SOX5: variants seen among roughly 807,000 people sequenced by gnomAD.
The protein encoded by SOX5 is transcription factor SOX-5.
In SOX5, 9 loss-of-function variants were observed where a neutral mutation model predicts 92.0. The ratio of observed to expected loss-of-function variants is 0.10; its 90% CI spans 0.06 to 0.17. SOX5 has a LOEUF of 0.17. Ranked by LOEUF, SOX5 falls within the 10% of genes least tolerant of loss-of-function variation. The pLI is 1.00. For missense variants in SOX5, 642 were observed against 944.5 expected, an observed-to-expected ratio of 0.68 and a Z score of 4.20; for synonymous variants, 344 against 336.3, an observed-to-expected ratio of 1.02 and a Z score of -0.25.
At chr12:23,951,161 G>A (rs539140271), upstream of SOX5, 7 of 416,284 alleles carry the variant, frequency 1.7e-5, no homozygotes, top group African/African-American at 1.4e-4. Context: ...AGAATTCCAC[G>A]AGGAAATTCC....
chr12:24,221,064 G>C (rs1355887168), intron 3 of SOX5, among the ~76,000 whole-genome samples: 1 of 152,172 alleles, frequency 6.6e-6, no homozygotes, highest in African/African-American at 2.4e-5. Context: ...TGACAGAGCT[G>C]AGATTTTAAC....
rs571221302 is a variant in SOX5, at chr12:23,718,270, C to T, written c.810+16414G>A. ...TGGTGTAATTATTCTGGTATACACA[C>T]ATTGCTTGTGCTTTCTAAAATATTC... On this transcript the variant is annotated intron_variant, in intron 6 of 14. Transcript: ENST00000451604. Among the ~76,000 whole-genome samples, 26 of 152,286 alleles carry T rather than the reference C, an allele frequency of 1.7e-4. No individual in the cohort carries two copies. In the South Asian group the frequency reaches 5.4e-3, roughly 32 times the overall value.
chr12:24,442,275 C>A (rs1940742309), intron 1 of SOX5, among the ~76,000 whole-genome samples: 1 of 152,144 alleles, frequency 6.6e-6, no homozygotes, highest in South Asian at 2.1e-4. Context: ...ATTATGTCCT[C>A]TTATCTTATT....
At chr12:23,867,118 T>C (rs1754610581) in intron 2 of SOX5, among the ~76,000 whole-genome samples, 1 of 150,674 alleles carries the variant, frequency 6.6e-6, no homozygotes, top group Non-Finnish European at 1.5e-5. Flanking sequence ...TCAATAAATA[T>C]GTGTGGAATT....
At chr12:23,988,871 T>A (rs1950295266) in intron 4 of SOX5, among the ~76,000 whole-genome samples, 1 of 152,152 alleles carries the variant, frequency 6.6e-6, no homozygotes, top group African/African-American at 2.4e-5. Context: ...ATACAGAGTC[T>A]CTTTTCCACC....
chr12:23,570,642 G>A (rs944564029), intron 10 of SOX5, among the ~76,000 whole-genome samples: 4 of 151,626 alleles, frequency 2.6e-5, no homozygotes, highest in Admixed American at 6.6e-5. Flanking sequence ...CGGGTGTGGT[G>A]GCTCACACCT....
intron 11 of SOX5, among the ~76,000 whole-genome samples, chr12:23,547,789 A>G (rs1358202901): frequency 2.0e-5 from 3 of 152,160 alleles, no homozygotes; most frequent in Non-Finnish European, 4.4e-5. Flanking sequence ...AGAATTAAAT[A>G]GTATTAAAGT....
rs1260183448 is a variant in SOX5 at position 23,531,652 on chromosome 12, G to C, written c.*2567C>G. 1 of 151,946 alleles carries C rather than the reference G, an allele frequency of 6.6e-6. No homozygotes were observed. Among genetic ancestry groups the C allele is most frequent in the Non-Finnish European group, 1.5e-5 (1 of 68,002 alleles). The allele number at this position is 151,946 out of a possible 1,614,324, so 9.4% of individuals were successfully genotyped here. On this transcript the variant is annotated 3_prime_UTR_variant, in exon 15 of 15. Coordinates refer to ENST00000451604, the MANE Select transcript of SOX5 (RefSeq NM_006940.6). ...ACATAAAAATGATATAAAAACAAGT[G>C]TCTATTTTTTCCTTATCCAGAGTGC...
At position 24,165,573 on chromosome 12, in the gene SOX5, G is replaced by GT. The variant is rs1466426181; in HGVS notation, c.-2+47769dup. ...ATGTATGTGACACTTCTATTGCATA[G>GT]TTTTTGATTTGTGAAGGAGTACAAG... On this transcript the variant is annotated intron_variant, in intron 4 of 4. Transcript: ENST00000446891. Among the ~76,000 whole-genome samples, 3 of 152,206 alleles carry GT rather than the reference G, an allele frequency of 2.0e-5. No individual in the cohort carries two copies. The East Asian group carries it at 5.8e-4, about 29-fold the overall frequency.
At chr12:24,303,327 G>A (rs1489992642) in intron 2 of SOX5, among the ~76,000 whole-genome samples, 1 of 152,086 alleles carries the variant, frequency 6.6e-6, no homozygotes, top group Non-Finnish European at 1.5e-5. Flanking sequence ...ATCATACAGA[G>A]TATAGGGGAC....
chr12:23,973,818 T>C (rs950803298), intron 4 of SOX5, among the ~76,000 whole-genome samples: 5 of 152,166 alleles, frequency 3.3e-5, no homozygotes, highest in South Asian at 2.1e-4. Flanking sequence ...TAGATTCTCA[T>C]AGGAGTGGAA....
chr12:23,594,202 A>G (rs967237241), intron 9 of SOX5, among the ~76,000 whole-genome samples: 3 of 150,362 alleles, frequency 2.0e-5, no homozygotes, highest in Non-Finnish European at 4.4e-5. Context: ...TGAATCTGGA[A>G]AAAAAAAAAC....
rs1009950298 is a variant in SOX5, at chr12:23,773,388, T to C, written c.482-17664A>G. ...TACCAGGGCTTTACTTATTTATTTA[T>C]TGAGACAGAGTCTCACTCTGTCACC... On this transcript the variant is annotated intron_variant, in intron 3 of 14. Coordinates refer to ENST00000451604, the MANE Select transcript of SOX5 (RefSeq NM_006940.6). 3.3e-5 allele frequency among the ~76,000 whole-genome samples: 5 copies of C among 152,254 alleles called. No homozygotes were observed. In the East Asian group the frequency reaches 7.7e-4, roughly 24 times the overall value.
At chr12:23,860,962 A>ACAAAC (rs1555390689) in intron 2 of SOX5, among the ~76,000 whole-genome samples, 2 of 134,644 alleles carry the variant, frequency 1.5e-5, no homozygotes. Context: ...TAAAAAAAAA[A>ACAAAC]AAAAAAAAAA....
At chr12:24,329,241 G>T (rs1264508478) in intron 2 of SOX5, among the ~76,000 whole-genome samples, 1 of 152,072 alleles carries the variant, frequency 6.6e-6, no homozygotes, top group Admixed American at 6.5e-5. Flanking sequence ...CCCGAGACTC[G>T]GTAATTTATA....
chr12:23,823,059 CTCTT>C (rs535882099), intron 3 of SOX5, among the ~76,000 whole-genome samples: 317 of 152,152 alleles, frequency 2.1e-3, no homozygotes, highest in African/African-American at 7.2e-3. Flanking sequence ...TGTTTCTTGA[CTCTT>C]TACCCAATTT....
chr12:24,285,793 A>G (rs1945797394), intron 2 of SOX5, among the ~76,000 whole-genome samples: 1 of 152,238 alleles, frequency 6.6e-6, no homozygotes, highest in Non-Finnish European at 1.5e-5. Flanking sequence ...TTACAAAATT[A>G]CATTTTGAAA....
intron 4 of SOX5, among the ~76,000 whole-genome samples, chr12:24,122,926 C>T (rs1057473830): frequency 5.9e-5 from 9 of 152,238 alleles, no homozygotes; most frequent in African/African-American, 1.9e-4. Flanking sequence ...TGCTCTTGGG[C>T]TGCTGTGAAG....
chr12:24,370,568 G>A (rs1472032228), intron 1 of SOX5, among the ~76,000 whole-genome samples: 4 of 151,978 alleles, frequency 2.6e-5, no homozygotes, highest in Non-Finnish European at 4.4e-5. Context: ...AAAGCAGGTG[G>A]ATTGCTTGAT....
Sources: allele counts gnomAD v4.1 joint callset (sites outside exome capture counted in the v4.1 genomes callset), GRCh38; gene constraint gnomAD v4.1.1; transcripts MANE v1.5; gene names NCBI Gene and HGNC (gene_info 2026-07-23, HGNC 2026-07-21).